Variants in RSF1 observed in about 807,000 individuals in gnomAD.
RSF1 encodes remodeling and spacing factor 1, also known as HBV pX-associated protein 8.
In RSF1, 13 loss-of-function variants were observed where a neutral mutation model predicts 145.2. That is an observed-to-expected ratio of 0.09 (90% CI 0.06 to 0.14). The LOEUF is 0.14. Among genes scored for constraint, RSF1 ranks in the 10% least tolerant of loss-of-function variants. RSF1 has a pLI of 1.00. For synonymous variants in RSF1, 577 were observed against 592.6 expected, an observed-to-expected ratio of 0.97 and a Z score of 0.38; for missense variants, 1,517 against 1,718.2, an observed-to-expected ratio of 0.88 and a Z score of 2.07.
chr11:77,872,079 CT>C, the RSF1 span: 1 of 1,326,178 alleles, frequency 7.5e-7, no homozygotes, highest in Admixed American at 2.7e-5. Flanking sequence ...ACGATTGTCA[CT>C]GTCTAATTCT....
chr11:77,753,667 T>A (rs1855436065), intron 2 of RSF1, among the ~76,000 whole-genome samples: 1 of 152,252 alleles, frequency 6.6e-6, no homozygotes, highest in African/African-American at 2.4e-5. Flanking sequence ...TCTTCCAATG[T>A]GGCCCACAGA....
At chr11:77,827,727 T>C in the RSF1 span, among the ~76,000 whole-genome samples, 2 of 152,222 alleles carry the variant, frequency 1.3e-5, no homozygotes, top group African/African-American at 4.8e-5. Context: ...GGATGTTTGC[T>C]ATATCCACTT....
intron 5 of RSF1, among the ~76,000 whole-genome samples, chr11:77,703,788 T>A (rs1203163361): frequency 6.8e-6 from 1 of 147,850 alleles, no homozygotes; most frequent in African/African-American, 2.6e-5. Flanking sequence ...TAAAAAAAAA[T>A]TTCAAAAATT....
chr11:77,852,037 T>A, the RSF1 span, among the ~76,000 whole-genome samples: 1 of 151,888 alleles, frequency 6.6e-6, no homozygotes, highest in South Asian at 2.1e-4. Context: ...GTGGCCCTCT[T>A]CTCTCCTTCT....
At chr11:77,870,115 AG>A in the RSF1 span, 1 of 164,506 alleles carries the variant, frequency 6.1e-6, no homozygotes, top group East Asian at 1.6e-4. Context: ...TATATTTTAT[AG>A]TACTTCTAAT....
At chr11:77,720,633 AC>A (rs1226820840) in intron 5 of RSF1, among the ~76,000 whole-genome samples, 12 of 152,336 alleles carry the variant, frequency 7.9e-5, no homozygotes, top group African/African-American at 2.4e-4. Flanking sequence ...TAAGTGGGAT[AC>A]AAATAGTATA....
chr11:77,825,700 T>G (rs181410845), upstream of RSF1, among the ~76,000 whole-genome samples: 4 of 149,688 alleles, frequency 2.7e-5, no homozygotes, highest in African/African-American at 4.9e-5. Context: ...TTTTTTTTGT[T>G]TTTTTTTTTT....
chr11:77,740,078 G>C (rs771121902), intron 4 of RSF1, among the ~76,000 whole-genome samples: 1 of 152,188 alleles, frequency 6.6e-6, no homozygotes, highest in African/African-American at 2.4e-5. Flanking sequence ...ATGCTGAATA[G>C]AAAACTATAG....
At chr11:77,723,320 G>C (rs1005791820) in intron 5 of RSF1, among the ~76,000 whole-genome samples, 6 of 152,050 alleles carry the variant, frequency 3.9e-5, no homozygotes, top group Non-Finnish European at 8.8e-5. Flanking sequence ...AACTAGCTGG[G>C]CCTGATGGCA....
intron 5 of RSF1, among the ~76,000 whole-genome samples, chr11:77,705,963 T>A (rs971881752): frequency 1.3e-5 from 2 of 152,150 alleles, no homozygotes; most frequent in Non-Finnish European, 1.5e-5. Context: ...TTGAACTATT[T>A]CATTAAAAAT....
At chr11:77,772,678 A>G (rs1948298734) in intron 1 of RSF1, among the ~76,000 whole-genome samples, 1 of 152,108 alleles carries the variant, frequency 6.6e-6, no homozygotes, top group Non-Finnish European at 1.5e-5. Flanking sequence ...TCCAGCTCTA[A>G]TATTCAATGT....
At chr11:77,723,581 AAAACCACATAAGC>A (rs1565160511) in intron 5 of RSF1, among the ~76,000 whole-genome samples, 1 of 152,266 alleles carries the variant, frequency 6.6e-6, no homozygotes, top group Non-Finnish European at 1.5e-5. Flanking sequence ...CATTTGAAAT[AAAACCACATAAGC>A]AATGAAGGAC....
At chr11:77,806,081 C>G (rs937237864) in intron 1 of RSF1, among the ~76,000 whole-genome samples, 2 of 152,130 alleles carry the variant, frequency 1.3e-5, no homozygotes, top group Non-Finnish European at 2.9e-5. Flanking sequence ...ATTATAACAA[C>G]CTCCAACTGG....
intron 1 of RSF1, among the ~76,000 whole-genome samples, chr11:77,771,175 AT>A (rs528667272): frequency 3.3e-5 from 5 of 152,210 alleles, no homozygotes; most frequent in African/African-American, 1.2e-4. Flanking sequence ...GGAAGAACGG[AT>A]TTTTTCCCCC....
chr11:77,708,511 A>G (rs138768163), intron 5 of RSF1, among the ~76,000 whole-genome samples: 1 of 152,196 alleles, frequency 6.6e-6, no homozygotes, highest in Non-Finnish European at 1.5e-5. Flanking sequence ...TTTGCATTTC[A>G]TATCCTCTAG....
At chr11:77,803,914 T>C (rs1948651498) in intron 1 of RSF1, among the ~76,000 whole-genome samples, 1 of 152,172 alleles carries the variant, frequency 6.6e-6, no homozygotes, top group Admixed American at 6.5e-5. Context: ...ACCCCATCTC[T>C]AGAAAAATAT....
In RSF1 at chr11:77,667,402, A is replaced by G. The variant is rs1040238498; in HGVS notation, c.3841T>C (p.Tyr1281His). 1 of 1,613,544 alleles carries G rather than the reference A, an allele frequency of 6.2e-7. No individual in the cohort carries two copies. Among genetic ancestry groups the G allele is most frequent in the Non-Finnish European group, 8.5e-7 (1 of 1,179,908 alleles). ...TCCTCCTCCTCATCTGCTTCTGAAT[A>G]CTCGTCTGTGCTTCGGCCCCGCTTT... is the stretch of plus-strand genomic sequence containing the variant. ...VRKRGRSTDE[Y>H]SEADEEEEEE... Residue 1281 changes from tyrosine to histidine, a missense_variant, in exon 16 of 16, where the codon TAT (tyrosine) becomes CAT (histidine). Physicochemically the swap from Tyr to His is moderately conservative, Grantham distance 83 (BLOSUM62 2). Transcript: ENST00000308488.
chr11:77,820,651 TG>T lies in RSF1; in HGVS notation c.63del (p.Asn22ThrfsTer4). On this transcript the variant is annotated frameshift_variant, in exon 1 of 16. Transcript: ENST00000308488. LOFTEE classifies it high-confidence loss of function. ...AAGAAGGAGCAGACTACGGCGAAGTTGGGGCACGAACCCGGGCAGCCCGGAG... is the reference window on the plus strand; with the variant it reads ...AAGAAGGAGCAGACTACGGCGAAGTTGGGCACGAACCCGGGCAGCCCGGAG... ...MAPPGCPGSC[P>X]NFAVVCSFLE... 1.3e-6 allele frequency: 2 copies of T among 1,561,160 alleles called. No homozygotes were observed. The highest frequency in any genetic ancestry group is 8.7e-7 in the Non-Finnish European group (1 of 1,154,214).
chr11:77,723,898 T>A (rs1374163433), intron 5 of RSF1, among the ~76,000 whole-genome samples: 3 of 152,226 alleles, frequency 2.0e-5, no homozygotes, highest in African/African-American at 7.2e-5. Flanking sequence ...GGTCAAAATT[T>A]CAGTTGGTTT....
Sources: allele counts gnomAD v4.1 joint callset (sites outside exome capture counted in the v4.1 genomes callset), GRCh38; gene constraint gnomAD v4.1.1; transcripts MANE v1.5; gene names NCBI Gene and HGNC (gene_info 2026-07-23, HGNC 2026-07-21).